ZNF516: variants seen among roughly 807,000 people sequenced by gnomAD.
ZNF516 encodes zinc finger protein 516.
A neutral mutation model predicts 79.7 loss-of-function variants in ZNF516; 19 were observed. That is an observed-to-expected ratio of 0.24 (90% CI 0.17 to 0.35). The LOEUF is 0.35. ZNF516 is among the 10% of genes least tolerant of loss of function. The pLI, the probability that ZNF516 is intolerant of heterozygous loss-of-function variation, is 1.00. For synonymous variants in ZNF516, 877 were observed against 739.5 expected (o/e 1.19, Z -3.02); for missense variants, 1,678 against 1,679.5 (o/e 1.00, Z 0.02).
At chr18:76,469,119 C>T (rs1913674094) in intron 1 of ZNF516, among the ~76,000 whole-genome samples, 1 of 152,152 alleles carries the variant, frequency 6.6e-6, no homozygotes, top group African/African-American at 2.4e-5. Context: ...TAGCTCTGTA[C>T]GCCTGAATAT....
At chr18:76,454,317 TAAG>T (rs534675917) in intron 2 of ZNF516, among the ~76,000 whole-genome samples, 12 of 152,224 alleles carry the variant, frequency 7.9e-5, no homozygotes, top group East Asian at 1.9e-4. Context: ...ACGCTGAAAC[TAAG>T]AAGATTTTGA....
intron 6 of ZNF516, among the ~76,000 whole-genome samples, chr18:76,369,923 C>CT (rs754141763): frequency 6.6e-6 from 1 of 152,198 alleles, no homozygotes; most frequent in Non-Finnish European, 1.5e-5. Flanking sequence ...TGCCTCTCTA[C>CT]TTTAGAGCAG....
intron 1 of ZNF516, among the ~76,000 whole-genome samples, chr18:76,466,290 G>A (rs1913462861): frequency 6.6e-6 from 1 of 152,178 alleles, no homozygotes; most frequent in African/African-American, 2.4e-5. Context: ...GGCAGGCAGG[G>A]GCACAGGGAG....
chr18:76,371,441 G>C, intron 5 of ZNF516, 26 bp downstream of exon 5: 1 of 1,590,302 alleles, frequency 6.3e-7, no homozygotes, highest in South Asian at 1.1e-5. Context: ...GCTCCCCTTG[G>C]GGATAGCTGG....
At chr18:76,472,173 C>T (rs548794820) in intron 1 of ZNF516, among the ~76,000 whole-genome samples, 379 of 152,368 alleles carry the variant, frequency 2.5e-3, no homozygotes, top group Non-Finnish European at 4.4e-3. Context: ...ACGCTTCCTC[C>T]CTGCTGCAGA....
At position 76,371,559 on chromosome 18, in the gene ZNF516, G is replaced by A. The variant is rs371545149; in HGVS notation, c.3272C>T (p.Thr1091Met). 74 of 1,609,870 alleles carry A rather than the reference G, an allele frequency of 4.6e-5. No individual in the cohort carries two copies. In the Middle Eastern group the frequency reaches 6.6e-4, roughly 14 times the overall value. ...GACGAACTCTCCTGGCCGGGCCTGC[G>A]TCCGGAGTGTCCCTGCGGTGGCGAG... ...PGLEHRGTLR[T>M]QARPGEFVCI... Residue 1091 changes from threonine to methionine, a missense_variant, in exon 5 of 7, where the codon ACG (threonine) becomes ATG (methionine). Transcript: ENST00000443185.
At chr18:76,486,450 T>C (rs1481526539) in intron 1 of ZNF516, among the ~76,000 whole-genome samples, 2 of 152,222 alleles carry the variant, frequency 1.3e-5, no homozygotes, top group African/African-American at 4.8e-5. Flanking sequence ...CAAGTGTTAA[T>C]AGCGCTGAAA....
chr18:76,494,477 T>G, intron 1 of ZNF516, among the ~76,000 whole-genome samples: 1 of 51,946 alleles, frequency 1.9e-5, no homozygotes. Flanking sequence ...CGCCCGAACT[T>G]CCCTTCCAGG....
At chr18:76,484,491 G>A (rs935125207) in intron 1 of ZNF516, among the ~76,000 whole-genome samples, 2 of 152,036 alleles carry the variant, frequency 1.3e-5, no homozygotes, top group Non-Finnish European at 2.9e-5. Flanking sequence ...CTAAAATGGC[G>A]GCCGCCCTAA....
At chr18:76,484,583 T>C (rs548633402) in intron 1 of ZNF516, among the ~76,000 whole-genome samples, 4 of 152,302 alleles carry the variant, frequency 2.6e-5, no homozygotes, top group South Asian at 2.1e-4. Flanking sequence ...GTCCAAAACA[T>C]GTAAAATGCT....
chr18:76,429,446 A>G (rs1011475671), intron 3 of ZNF516, among the ~76,000 whole-genome samples: 2 of 152,180 alleles, frequency 1.3e-5, no homozygotes, highest in South Asian at 2.1e-4. Context: ...GTTTTGTGCT[A>G]AGATGCCCCC....
At chr18:76,490,180 T>C (rs915266540) in intron 1 of ZNF516, 26 of 985,386 alleles carry the variant, frequency 2.6e-5, no homozygotes, top group African/African-American at 1.0e-4. Context: ...AAGATGGCCA[T>C]GGGGGTCACT....
At position 76,379,105 on chromosome 18, in the gene ZNF516, G is replaced by C. The variant is rs753414923; in HGVS notation, c.3009C>G (p.Pro1003=). The change falls in exon 4 of 7, where the codon CCC becomes CCG. Residue 1003 remains proline (P), a synonymous_variant. Transcript: ENST00000443185. ...TCCTCAGCTCCTGGGCTGCCTTCGAGGGGGGCTCGCGGGGAGGTAGAGGAG... is the reference window on the plus strand; with the variant it reads ...TCCTCAGCTCCTGGGCTGCCTTCGACGGGGGCTCGCGGGGAGGTAGAGGAG... The part of the protein sequence containing the change: ...GAPPLPPREP[P]SKAAQELRTL... 6.2e-6 allele frequency: 10 copies of C among 1,611,486 alleles called. No individual in the cohort carries two copies. The highest frequency in any genetic ancestry group is 5.9e-6 in the Non-Finnish European group (7 of 1,179,668).
rs759344226 is a variant in ZNF516 at position 76,380,261 on chromosome 18, G to A, written c.1853C>T (p.Ser618Leu). ...RRCCFSEEVT[S>L]TELSSGDQSH... ...CTGGTCTCCACTGGAGAGCTCGGTC[G>A]AAGTCACCTCTTCGGAAAAGCAGCA... The change falls in exon 4 of 7, where the codon TCG (serine) becomes TTG (leucine). Residue 618 changes from serine to leucine, a missense_variant. This residue lies in a region of ZNF516 where 1,294 missense variants were observed against 1,248.3 expected (regional missense o/e 1.04). Transcript: ENST00000443185. 22 of 1,613,688 alleles carry A rather than the reference G, an allele frequency of 1.4e-5. No homozygotes were observed. Among genetic ancestry groups the A allele is most frequent in the East Asian group, 2.2e-5 (1 of 44,888 alleles).
At chr18:76,391,905 C>T (rs1264904538) in intron 3 of ZNF516, among the ~76,000 whole-genome samples, 1 of 152,132 alleles carries the variant, frequency 6.6e-6, no homozygotes, top group Non-Finnish European at 1.5e-5. Context: ...AGGAGGAGGC[C>T]GGGCAGGTAG....
chr18:76,379,394 T>G lies in ZNF516; in HGVS notation c.2720A>C (p.Lys907Thr), dbSNP rs746595310. Residue 907 changes from lysine to threonine, a missense_variant, in exon 4 of 7, where the codon AAG becomes ACG. Coordinates refer to ENST00000443185, the MANE Select transcript of ZNF516 (RefSeq NM_014643.4). ...HGAATQGPLA[K>T]PRQEASSKPV... The stretch of plus-strand genomic sequence containing the variant: ...TTTGGAGCTAGCCTCCTGCCTGGGC[T>G]TGGCCAGGGGCCCCTGTGTGGCCGC... 6 of 1,603,046 alleles carry G rather than the reference T, an allele frequency of 3.7e-6. No homozygotes were observed. In the East Asian group the frequency reaches 1.3e-4, roughly 36 times the overall value.
intron 3 of ZNF516, among the ~76,000 whole-genome samples, chr18:76,381,226 T>C (rs578179936): frequency 2.0e-5 from 3 of 152,360 alleles, no homozygotes; most frequent in Admixed American, 6.5e-5. Context: ...GAAGAGACTG[T>C]ACTGCAAGTG....
At chr18:76,406,294 G>A (rs1286716749) in intron 3 of ZNF516, among the ~76,000 whole-genome samples, 2 of 152,156 alleles carry the variant, frequency 1.3e-5, no homozygotes, top group Admixed American at 6.5e-5. Context: ...GGCCGGGCGC[G>A]GTGGCTCACG....
At position 76,458,126 on chromosome 18, in the gene ZNF516, C is replaced by T. The variant is rs181364510; in HGVS notation, c.-158+4902G>A. On this transcript the variant is annotated intron_variant, in intron 2 of 6. Transcript: ENST00000443185. ...TCATTTACTTAGCTAATAAGTGCCA[C>T]GGTAGGTCCTCAGTTAACATCATCT... is the stretch of plus-strand genomic sequence containing the variant. 7.9e-4 allele frequency among the ~76,000 whole-genome samples: 121 copies of T among 152,306 alleles called. 1 individual carries two copies. Among genetic ancestry groups the T allele is most frequent in the African/African-American group, 2.6e-3 (108 of 41,556 alleles).
Sources: gnomAD v4.1 joint callset for allele counts (sites outside exome capture counted in the v4.1 genomes callset) on GRCh38, gnomAD v4.1.1 for gene constraint, gnomAD v4.1.1 regional missense constraint, MANE v1.5 for transcripts, NCBI Gene and HGNC (gene_info 2026-07-23, HGNC 2026-07-21) for gene names.